The following CEACAM8 variants were observed in gnomAD, a reference collection of about 807,000 sequenced individuals.
The protein encoded by CEACAM8 is cell adhesion molecule CEACAM8.
A neutral mutation model predicts 33.4 loss-of-function variants in CEACAM8; 31 were observed. The ratio of observed to expected loss-of-function variants is 0.93; its 90% CI spans 0.70 to 1.25. The LOEUF is 1.25. Among genes scored for constraint, CEACAM8 ranks in the 50% most tolerant of loss-of-function variants. CEACAM8 has a pLI of 0.00. For synonymous variants in CEACAM8, 138 were observed against 164.5 expected, an observed-to-expected ratio of 0.84 and a Z score of 1.23; for missense variants, 388 against 434.6, an observed-to-expected ratio of 0.89 and a Z score of 0.95.
intron 4 of CEACAM8, among the ~76,000 whole-genome samples, chr19:42,583,640 C>G (rs2042289128): frequency 6.6e-6 from 1 of 152,228 alleles, no homozygotes; most frequent in African/African-American, 2.4e-5. Flanking sequence ...GTCATTAGAA[C>G]TTTCCACCTT....
At chr19:42,594,027 G>T in intron 1 of CEACAM8, 127 bp from the exon 2 acceptor site, 2 of 999,226 alleles carry the variant, frequency 2.0e-6, no homozygotes, top group Non-Finnish European at 2.9e-6. Flanking sequence ...CTGAGTCAAT[G>T]TCAGCAGCAC....
chr19:42,593,094 C>T (rs1229075197), intron 2 of CEACAM8, among the ~76,000 whole-genome samples: 2 of 152,252 alleles, frequency 1.3e-5, no homozygotes, highest in Admixed American at 1.3e-4. Flanking sequence ...CAACCCAGTG[C>T]TGGCACAGGT....
intron 4 of CEACAM8, 35 bp downstream of exon 4, chr19:42,588,749 A>T (rs1407366335): frequency 6.2e-7 from 1 of 1,610,810 alleles, no homozygotes; most frequent in Admixed American, 1.7e-5. Flanking sequence ...ACTCTACCAG[A>T]AAACATACTG....
At chr19:42,584,228 A>ACG (rs201374845) in intron 4 of CEACAM8, among the ~76,000 whole-genome samples, 5 of 151,396 alleles carry the variant, frequency 3.3e-5, no homozygotes, top group African/African-American at 1.2e-4. Context: ...ACACACACAC[A>ACG]ACCTTTTGCA....
chr19:42,588,260 G>T (rs776639224), intron 4 of CEACAM8, among the ~76,000 whole-genome samples: 3 of 152,314 alleles, frequency 2.0e-5, no homozygotes, highest in Middle Eastern at 3.4e-3. Context: ...TCCCACCCCA[G>T]GTGGAGTCAG....
intron 2 of CEACAM8, among the ~76,000 whole-genome samples, chr19:42,590,982 C>G (rs2042428024): frequency 6.6e-6 from 1 of 152,206 alleles, no homozygotes; most frequent in African/African-American, 2.4e-5. Flanking sequence ...TTTAGCATCT[C>G]AAATCTGAAA....
chr19:42,588,936 T>C lies in CEACAM8; in HGVS notation c.806A>G (p.Tyr269Cys), dbSNP rs774346334. 1.2e-6 allele frequency: 2 copies of C among 1,614,160 alleles called. No individual in the cohort carries two copies. The highest frequency in any genetic ancestry group is 2.2e-5 in the South Asian group (2 of 91,080). ...CHAASNPPSQ[Y>C]SWSVNGTFQQ... ...GAATGTGCCATTGACAGACCAAGAA[T>C]ACTGTGAGGGTGGATTAGAGGCCGC... Residue 269 changes from tyrosine (Y) to cysteine (C), a missense_variant, in exon 4 of 6, where the codon TAT becomes TGT. Transcript: ENST00000244336.
intron 4 of CEACAM8, among the ~76,000 whole-genome samples, chr19:42,585,629 G>A (rs45620339): frequency 0.03 from 4,634 of 152,236 alleles, 245 homozygotes; most frequent in African/African-American, 0.1. Flanking sequence ...AAAAGCCCAA[G>A]GCTAACATCA....
chr19:42,590,653 A>G (rs1423883338), intron 2 of CEACAM8, among the ~76,000 whole-genome samples: 1 of 152,192 alleles, frequency 6.6e-6, no homozygotes, highest in East Asian at 1.9e-4. Flanking sequence ...CCTACTGGAC[A>G]TTATACAGAG....
intron 5 of CEACAM8, 168 bp downstream of exon 5, chr19:42,583,038 G>A (rs2042281378): frequency 3.6e-6 from 2 of 558,228 alleles, no homozygotes; most frequent in Non-Finnish European, 6.4e-6. Flanking sequence ...AGAGACAGTG[G>A]GGTACAGGGA....
rs1461924092 is a variant in CEACAM8 at position 42,583,357 on chromosome 19, A to C, written c.959-20T>G. 1 of 1,564,830 alleles carries C rather than the reference A, an allele frequency of 6.4e-7. No homozygotes were observed. The highest frequency in any genetic ancestry group is 1.4e-5 in the African/African-American group (1 of 73,796). Reference sequence around the variant, plus strand: ...AAGCATCTGTCATGGAAAGAAAAGAAGAGAAGGAATGAAGTTGATGCCATT... The same window carrying C: ...AAGCATCTGTCATGGAAAGAAAAGACGAGAAGGAATGAAGTTGATGCCATT... On this transcript the variant is annotated intron_variant, in intron 4 of 5. Coordinates refer to ENST00000244336, the MANE Select transcript of CEACAM8 (RefSeq NM_001816.4).
At position 42,588,782 on chromosome 19, in the gene CEACAM8, A is replaced by G; in HGVS notation, c.958+2T>C. 6.2e-7 allele frequency: 1 copy of G among 1,614,066 alleles called. No homozygotes were observed. The highest frequency in any genetic ancestry group is 8.5e-7 in the Non-Finnish European group (1 of 1,179,948). On this transcript the variant is annotated splice_donor_variant, in intron 4 of 5. Transcript: ENST00000244336. LOFTEE classifies it high-confidence loss of function. ...CTGCCAGTGCTCCAGGGATCCACTT[A>G]CCAGAGACTGTGATCATCCTGACTG...
intron 5 of CEACAM8, among the ~76,000 whole-genome samples, chr19:42,581,910 AAAAAAAAAAAATATATATATATATATAT>A: frequency 1.0e-5 from 1 of 97,870 alleles, no homozygotes; most frequent in Non-Finnish European, 1.9e-5. Flanking sequence ...AAAAAAAAAA[AAAAAAAAAAAATATATATATATATATAT>A]ATATATATAA....
chr19:42,589,770 G>A (rs371251364), intron 2 of CEACAM8, 35 bp from the exon 3 acceptor site: 56 of 1,613,496 alleles, frequency 3.5e-5, no homozygotes, highest in Non-Finnish European at 4.2e-5. Context: ...TGCCCTGTGT[G>A]GCACCTTTGA....
At chr19:42,593,482 C>A in intron 2 of CEACAM8, 59 bp downstream of exon 2, 1 of 1,528,536 alleles carries the variant, frequency 6.5e-7, no homozygotes, top group Non-Finnish European at 8.8e-7. Context: ...GCCTAACAAT[C>A]CTGTGTGTGG....
intron 4 of CEACAM8, among the ~76,000 whole-genome samples, chr19:42,584,739 T>C (rs938124479): frequency 6.6e-6 from 1 of 152,116 alleles, no homozygotes; most frequent in African/African-American, 2.4e-5. Context: ...AAGTCTTACA[T>C]TAAAAAAGAA....
Position 42,588,822 on chromosome 19 carries a change from C to A in CEACAM8, c.920G>T (p.Gly307Val), listed in dbSNP as rs139465552. 3 of 1,614,168 alleles carry A rather than the reference C, an allele frequency of 1.9e-6. No individual in the cohort carries two copies. The highest frequency in any genetic ancestry group is 2.5e-6 in the Non-Finnish European group (3 of 1,180,020). ...YACHTTNSAT[G>V]RNRTTVRMIT... ...CATCCTGACTGTGGTCCTGTTGCGG[C>A]CAGTGGCTGAGTTAGTGGTGTGGCA... is the stretch of plus-strand genomic sequence containing the variant. The change falls in exon 4 of 6, where the codon GGC (glycine) becomes GTC (valine). Residue 307 changes from glycine to valine, a missense_variant. Physicochemically the swap from Gly to Val is moderately radical, Grantham distance 109. Transcript: ENST00000244336.
intron 3 of CEACAM8, 63 bp downstream of exon 3, chr19:42,589,394 T>C (rs1029704071): frequency 3.1e-6 from 5 of 1,609,688 alleles, no homozygotes; most frequent in Non-Finnish European, 4.2e-6. Flanking sequence ...CTGAGAGGCC[T>C]GGCCTCTGGC....
At chr19:42,589,322 G>A (rs746441590) in intron 3 of CEACAM8, 135 bp downstream of exon 3, 10 of 1,393,352 alleles carry the variant, frequency 7.2e-6, no homozygotes, top group Non-Finnish European at 9.9e-6. Flanking sequence ...GGGGCAGAAA[G>A]TCATGACGAG....
Sources: allele counts gnomAD v4.1 joint callset (sites outside exome capture counted in the v4.1 genomes callset), GRCh38; gene constraint gnomAD v4.1.1; transcripts MANE v1.5; gene names NCBI Gene and HGNC (gene_info 2026-07-23, HGNC 2026-07-21).